The following MCM7 variants were observed in gnomAD, a reference collection of about 807,000 sequenced individuals.
MCM7 encodes DNA replication licensing factor MCM7.
MCM7 carries 95 observed loss-of-function variants against 83.5 expected under a neutral mutation model. That is an observed-to-expected ratio of 1.14 (90% CI 0.96 to 1.35). MCM7 has a LOEUF of 1.35. Among genes scored for constraint, MCM7 ranks in the 40% most tolerant of loss-of-function variants. The pLI is 0.00. For synonymous variants in MCM7, 461 were observed against 352.7 expected (o/e 1.31, Z -3.44); for missense variants, 1,087 against 957.4 (o/e 1.14, Z -1.79).
At chr7:100,093,463 G>T in intron 13 of MCM7, 62 bp from the exon 14 acceptor site, 1 of 1,470,562 alleles carries the variant, frequency 6.8e-7, no homozygotes, top group Non-Finnish European at 9.5e-7. Flanking sequence ...GAGGTCAGGG[G>T]ACACCCTTGT....
intron 1 of MCM7, chr7:100,100,932 G>A (rs1337310289): frequency 2.0e-6 from 2 of 1,020,000 alleles, no homozygotes; most frequent in Non-Finnish European, 2.5e-6. Flanking sequence ...AAGCGGGCAC[G>A]GGAGCCCAGA....
chr7:100,099,018 C>T lies in MCM7; in HGVS notation c.582+5G>A, dbSNP rs762769836. 9 of 1,614,116 alleles carry T rather than the reference C, an allele frequency of 5.6e-6. No individual in the cohort carries two copies. Among genetic ancestry groups the T allele is most frequent in the South Asian group, 4.4e-5 (4 of 91,078 alleles). On this transcript the variant is annotated splice_donor_5th_base_variant and intron_variant, in intron 5 of 14. Transcript: ENST00000303887. Reference sequence around the variant, plus strand: ...GTGCTTTCCTGCTTCTTGCTCCACACGTACCGGCTGGTAGGTCTCTGCCCC... The same window carrying T: ...GTGCTTTCCTGCTTCTTGCTCCACATGTACCGGCTGGTAGGTCTCTGCCCC...
chr7:100,094,125 C>T (rs1388464299), intron 13 of MCM7, 48 bp downstream of exon 13: 1 of 1,611,860 alleles, frequency 6.2e-7, no homozygotes, highest in East Asian at 2.2e-5. Context: ...AAGGAGCTAC[C>T]CCTTTAAGGG....
intron 5 of MCM7, 103 bp from the exon 6 acceptor site, chr7:100,098,818 A>C: frequency 1.3e-6 from 2 of 1,492,324 alleles, no homozygotes; most frequent in Admixed American, 2.0e-5. Context: ...ACATCTTGTA[A>C]GTGTCAAGAA....
chr7:100,099,409 G>T lies in MCM7; in HGVS notation c.277-6C>A, dbSNP rs754383002. On this transcript the variant is annotated splice_region_variant and splice_polypyrimidine_tract_variant and intron_variant, in intron 3 of 14. Coordinates refer to ENST00000303887, the MANE Select transcript of MCM7 (RefSeq NM_005916.5). ...AGGACATCTTTATTTACCACCTAAA[G>T]GAGAAGAACAAAAAAAAAAAAAAAA... is the stretch of plus-strand genomic sequence containing the variant. 4 of 1,461,516 alleles carry T rather than the reference G, an allele frequency of 2.7e-6. No homozygotes were observed. In the South Asian group the frequency reaches 5.1e-5, roughly 19 times the overall value. The allele number at this position is 1,461,516 out of a possible 1,614,324, so 90.5% of individuals were successfully genotyped here. A position where few individuals can be genotyped will look rare whatever the true frequency, so the allele number is the denominator to read the frequency against.
chr7:100,093,738 C>CAAGA (rs1203785544), intron 13 of MCM7: 1 of 634,104 alleles, frequency 1.6e-6, no homozygotes, highest in African/African-American at 1.8e-5. Context: ...GGAGCTCAGC[C>CAAGA]AAGAAGACAA....
chr7:100,098,334 G>A (rs1424881402), intron 6 of MCM7, 44 bp from the exon 7 acceptor site: 3 of 1,603,502 alleles, frequency 1.9e-6, no homozygotes, highest in South Asian at 2.2e-5. Flanking sequence ...AATGGACAAG[G>A]ACCCAACCTT....
chr7:100,099,115 GCA>G lies in MCM7; in HGVS notation c.488_489del (p.Val163AlafsTer9), dbSNP rs758638377. ...TCAGAGACACGAGTGACGATTCCACGCACAGTTACCAACTTCCCCACAGAGTC... is the reference window on the plus strand; with the variant it reads ...TCAGAGACACGAGTGACGATTCCACGCAGTTACCAACTTCCCCACAGAGTC... ...RADSVGKLVT[V>X]RGIVTRVSEV... On this transcript the variant is annotated frameshift_variant, in exon 5 of 15. Transcript: ENST00000303887. LOFTEE classifies it high-confidence loss of function. The G allele has an allele frequency of 8.1e-6, 13 of 1,613,956 alleles. No homozygotes were observed. The highest frequency in any genetic ancestry group is 1.1e-5 in the Non-Finnish European group (13 of 1,180,024).
rs530598250 is a variant in MCM7, at chr7:100,100,560, G to T, written c.32-467C>A. 254 of 991,774 alleles carry T rather than the reference G, an allele frequency of 2.6e-4. 6 individuals are homozygous for T. In the South Asian group the frequency reaches 9.8e-3, roughly 38 times the overall value. The allele number at this position is 991,774 out of a possible 1,614,324, so 61.4% of individuals were successfully genotyped here. On this transcript the variant is annotated intron_variant, in intron 1 of 14. Transcript: ENST00000303887. Reference sequence around the variant, plus strand: ...AAGAAGCACATGGGCCCGGATTCCAGCCGCTTCACAGCTCGGGATTCCTCC... The same window carrying T: ...AAGAAGCACATGGGCCCGGATTCCATCCGCTTCACAGCTCGGGATTCCTCC...
chr7:100,097,499 T>G, intron 9 of MCM7, 115 bp from the exon 10 acceptor site: 1 of 1,578,104 alleles, frequency 6.3e-7, no homozygotes, highest in Non-Finnish European at 8.7e-7. Context: ...AAGCCCTCCC[T>G]GTGTCCACGA....
chr7:100,093,448 G>A lies in MCM7; in HGVS notation c.1849-47C>T, dbSNP rs773048069. ...AAGATGGGAACGGGAGGAGGGCAGT[G>A]GAACGAGGTCAGGGGACACCCTTGT... On this transcript the variant is annotated intron_variant, in intron 13 of 14. Coordinates refer to ENST00000303887, the MANE Select transcript of MCM7 (RefSeq NM_005916.5). 5 of 1,554,960 alleles carry A rather than the reference G, an allele frequency of 3.2e-6. No individual in the cohort carries two copies. In the African/African-American group the frequency reaches 5.4e-5, roughly 17 times the overall value.
chr7:100,095,542 C>T, intron 11 of MCM7, 72 bp from the exon 12 acceptor site: 1 of 1,471,800 alleles, frequency 6.8e-7, no homozygotes, highest in Non-Finnish European at 9.4e-7. Flanking sequence ...GGTGTCCCTC[C>T]TTTGGCTCTG....
chr7:100,096,412 C>T (rs892636188), intron 10 of MCM7, among the ~76,000 whole-genome samples: 3 of 152,164 alleles, frequency 2.0e-5, no homozygotes, highest in Non-Finnish European at 2.9e-5. Context: ...AGCCATCCTC[C>T]GGCCTCAGCC....
intron 12 of MCM7, 46 bp from the exon 13 acceptor site, chr7:100,094,387 G>A (rs1333620753): frequency 1.2e-6 from 2 of 1,609,116 alleles, no homozygotes; most frequent in Non-Finnish European, 1.7e-6. Flanking sequence ...AGATGGGGAA[G>A]GGAGTGAATA....
chr7:100,100,950 A>C, intron 1 of MCM7: 1 of 1,053,116 alleles, frequency 9.5e-7, no homozygotes, highest in Non-Finnish European at 1.3e-6. Flanking sequence ...AGAGCCCTTA[A>C]GACTCTCCTG....
At chr7:100,094,640 C>G (rs145772829) in intron 12 of MCM7, among the ~76,000 whole-genome samples, 1 of 152,054 alleles carries the variant, frequency 6.6e-6, no homozygotes, top group African/African-American at 2.4e-5. Flanking sequence ...CTCCTCTGAG[C>G]GCATGACATG....
rs917630961 is a variant in MCM7, at chr7:100,099,346, G to C, written c.334C>G (p.Arg112Gly). The C allele has an allele frequency of 1.2e-6, 2 of 1,611,382 alleles. No homozygotes were observed. The highest frequency in any genetic ancestry group is 1.3e-5 in the African/African-American group (1 of 74,088). ...CGGACCATCCCAGGGTCCCGACTCC[G>C]CTGCTCCATCATTAGCCGATGCTCA... ...YIEHRLMMEQ[R>G]SRDPGMVRSP... is the part of the protein sequence containing the mutation. Residue 112 changes from arginine (R) to glycine (G), a missense_variant, in exon 4 of 15, where the codon CGG becomes GGG. Coordinates refer to ENST00000303887, the MANE Select transcript of MCM7 (RefSeq NM_005916.5).
chr7:100,100,487 ACCGCACCCCACCC>A (rs1328992406), intron 1 of MCM7: 1 of 943,018 alleles, frequency 1.1e-6, no homozygotes, highest in Non-Finnish European at 1.3e-6. Flanking sequence ...GCACCCCGCC[ACCGCACCCCACCC>A]CCGCTCCCGC....
Position 100,094,224 on chromosome 7 carries a change from G to C in MCM7, c.1797C>G (p.Thr599=). ...CCAGCAGGGTCCGGGCAGAAGTATA[G>C]GTGGCATCCTTACTAGCCCAAGCCT... The part of the protein sequence containing the change: ...RREAWASKDA[T]YTSARTLLAI... Residue 599 remains threonine (T), a synonymous_variant, in exon 13 of 15, where the codon ACC becomes ACG. Transcript: ENST00000303887. The C allele has an allele frequency of 6.2e-7, 1 of 1,614,212 alleles. No homozygotes were observed. Among genetic ancestry groups the C allele is most frequent in the Non-Finnish European group, 8.5e-7 (1 of 1,180,040 alleles).
Sources: gnomAD v4.1 joint callset for allele counts (sites outside exome capture counted in the v4.1 genomes callset) on GRCh38, gnomAD v4.1.1 for gene constraint, MANE v1.5 for transcripts, NCBI Gene and HGNC (gene_info 2026-07-23, HGNC 2026-07-21) for gene names.